The following ZFYVE16 variants were observed in gnomAD, a reference collection of about 807,000 sequenced individuals.
ZFYVE16 encodes the protein zinc finger FYVE-type containing 16.
A neutral mutation model predicts 138.1 loss-of-function variants in ZFYVE16; 89 were observed. That is an observed-to-expected ratio of 0.64 (90% CI 0.54 to 0.77). The LOEUF (loss-of-function observed/expected upper bound fraction) is 0.77, where lower values mean the gene tolerates loss of function less well. Among genes scored for constraint, ZFYVE16 ranks in the 30% least tolerant of loss-of-function variants. ZFYVE16 has a pLI of 0.00. For missense variants in ZFYVE16, 1,793 were observed against 1,786.7 expected (o/e 1.00, Z -0.06); for synonymous variants, 596 against 618.3 (o/e 0.96, Z 0.53).
chr5:80,422,386 A>G (rs1003816708), intron 1 of ZFYVE16, among the ~76,000 whole-genome samples: 1 of 152,190 alleles, frequency 6.6e-6, no homozygotes, highest in African/African-American at 2.4e-5. Flanking sequence ...ATTCTTTATC[A>G]GATTGAAGAA....
chr5:80,458,489 A>G (rs954497631), intron 14 of ZFYVE16, among the ~76,000 whole-genome samples: 4 of 152,052 alleles, frequency 2.6e-5, no homozygotes, highest in Non-Finnish European at 4.4e-5. Flanking sequence ...GCTCCATTCT[A>G]TACCTTGTTT....
intron 2 of ZFYVE16, among the ~76,000 whole-genome samples, chr5:80,431,679 T>C (rs1580176465): frequency 6.6e-6 from 1 of 152,068 alleles, no homozygotes; most frequent in South Asian, 2.1e-4. Flanking sequence ...GATTGTATAT[T>C]TAGAAAACCC....
chr5:80,409,614 C>G (rs1226910597), intron 1 of ZFYVE16: 1 of 152,184 alleles, frequency 6.6e-6, no homozygotes, highest in Admixed American at 6.5e-5. Context: ...TTGCGAATCA[C>G]TTTAATGTCT....
At chr5:80,421,861 C>T (rs1163835774) in intron 1 of ZFYVE16, among the ~76,000 whole-genome samples, 2 of 152,080 alleles carry the variant, frequency 1.3e-5, no homozygotes, top group Non-Finnish European at 2.9e-5. Context: ...ATGGGGATGG[C>T]ATTGAATCTA....
At chr5:80,416,341 C>T (rs1401090518) in intron 1 of ZFYVE16, among the ~76,000 whole-genome samples, 13 of 147,996 alleles carry the variant, frequency 8.8e-5, no homozygotes, top group African/African-American at 3.3e-4. Flanking sequence ...CTGCAACCTC[C>T]GCCTCCTGGG....
intron 11 of ZFYVE16, among the ~76,000 whole-genome samples, chr5:80,453,264 G>C (rs1033260781): frequency 6.6e-6 from 1 of 152,118 alleles, no homozygotes; most frequent in Non-Finnish European, 1.5e-5. Flanking sequence ...TTGCATCTCA[G>C]GTTTTGTACT....
chr5:80,440,792 A>T, intron 5 of ZFYVE16: 2 of 984,732 alleles, frequency 2.0e-6, no homozygotes, highest in Non-Finnish European at 2.4e-6. Context: ...CCTAGCAAAT[A>T]TTACTTGGGC....
intron 17 of ZFYVE16, among the ~76,000 whole-genome samples, chr5:80,474,144 G>C (rs1241125771): frequency 6.6e-6 from 1 of 152,004 alleles, no homozygotes; most frequent in Non-Finnish European, 1.5e-5. Context: ...ATTTTCCTCA[G>C]ATTTTATGAA....
At chr5:80,414,638 G>A (rs1490295071) in intron 1 of ZFYVE16, among the ~76,000 whole-genome samples, 2 of 151,978 alleles carry the variant, frequency 1.3e-5, no homozygotes, top group East Asian at 1.9e-4. Flanking sequence ...TTTATGTGCC[G>A]GGCACTGGTC....
intron 1 of ZFYVE16, among the ~76,000 whole-genome samples, chr5:80,412,766 G>T (rs2112139627): frequency 6.6e-6 from 1 of 152,178 alleles, no homozygotes; most frequent in African/African-American, 2.4e-5. Context: ...AATACATCCT[G>T]TATTCAGAGT....
In ZFYVE16 at chr5:80,437,232, G is replaced by C. The variant is rs1432195444; in HGVS notation, c.547G>C (p.Asp183His). 4 of 1,613,642 alleles carry C rather than the reference G, an allele frequency of 2.5e-6. No individual in the cohort carries two copies. Among genetic ancestry groups the C allele is most frequent in the South Asian group, 1.1e-5 (1 of 91,040 alleles). ...TGTTTCTTCAACAGACCATGATAGT[G>C]ATACTGTCAGAGAACAACAGAATGA... ...PCVSSTDHDS[D>H]TVREQQNDIS... is the part of the protein sequence containing the mutation. Residue 183 changes from aspartate to histidine, a missense_variant, in exon 4 of 19, where the codon GAT (aspartate) becomes CAT (histidine). By Grantham distance (81) the Asp-to-His change is moderately conservative. Transcript: ENST00000505560.
intron 2 of ZFYVE16, among the ~76,000 whole-genome samples, chr5:80,432,818 G>A (rs1749274497): frequency 6.6e-6 from 1 of 152,188 alleles, no homozygotes; most frequent in African/African-American, 2.4e-5. Flanking sequence ...AGACATATAT[G>A]CAGCCAAAAA....
intron 1 of ZFYVE16, among the ~76,000 whole-genome samples, chr5:80,418,355 T>C (rs835726): frequency 0.88 from 127,954 of 145,756 alleles, 56,757 homozygotes; most frequent in Non-Finnish European, 0.94. Context: ...CTCTGTTGCC[T>C]AGGCTGGAGT....
In ZFYVE16 at chr5:80,451,698, C is replaced by T. The variant is rs376013497; in HGVS notation, c.3596C>T (p.Ala1199Val). 1 of 1,612,848 alleles carries T rather than the reference C, an allele frequency of 6.2e-7. No individual in the cohort carries two copies. The highest frequency in any genetic ancestry group is 8.5e-7 in the Non-Finnish European group (1 of 1,179,554). ...FPMRLMLRLG[A>V]EYKAYPAPLT... Reference sequence around the variant, plus strand: ...ATGCGTTTAATGTTGAGATTGGGTGCAGAATATAAAGGTAAGTTTTAGAGT... The same window carrying T: ...ATGCGTTTAATGTTGAGATTGGGTGTAGAATATAAAGGTAAGTTTTAGAGT... The change falls in exon 11 of 19, where the codon GCA becomes GTA. Residue 1199 changes from alanine to valine, a missense_variant. Transcript: ENST00000505560.
At chr5:80,455,371 T>C (rs557429560) in intron 11 of ZFYVE16, 18 of 267,066 alleles carry the variant, frequency 6.7e-5, no homozygotes, top group African/African-American at 3.5e-4. Flanking sequence ...CTGTCTCTAC[T>C]AAAAATACAA....
In ZFYVE16 at chr5:80,413,734, C is replaced by T. The variant is rs151099099; in HGVS notation, c.-94+5581C>T. Among the ~76,000 whole-genome samples, 447 of 152,270 alleles carry T rather than the reference C, an allele frequency of 2.9e-3. 2 individuals are homozygous for T. Among genetic ancestry groups the T allele is most frequent in the African/African-American group, 0.01 (428 of 41,548 alleles). On this transcript the variant is annotated intron_variant, in intron 1 of 18. Coordinates refer to ENST00000505560, the MANE Select transcript of ZFYVE16 (RefSeq NM_001284236.3). ...TTAGGGCATTAAAGATTAATTCTCTCGCCGAACCTTAATTGAGAAAGGCTG... is the reference window on the plus strand; with the variant it reads ...TTAGGGCATTAAAGATTAATTCTCTTGCCGAACCTTAATTGAGAAAGGCTG...
At chr5:80,441,669 A>T in intron 5 of ZFYVE16, 1 of 913,808 alleles carries the variant, frequency 1.1e-6, no homozygotes, top group Non-Finnish European at 1.3e-6. Context: ...AGATTATGTG[A>T]GTTTCAAGGA....
intron 1 of ZFYVE16, among the ~76,000 whole-genome samples, chr5:80,413,261 C>T (rs1439563765): frequency 2.6e-5 from 4 of 151,864 alleles, no homozygotes; most frequent in South Asian, 2.1e-4. Flanking sequence ...CACCTGAGGT[C>T]GGGAGTTCGA....
intron 2 of ZFYVE16, among the ~76,000 whole-genome samples, chr5:80,428,837 A>C (rs1027207918): frequency 6.6e-6 from 1 of 152,230 alleles, no homozygotes; most frequent in African/African-American, 2.4e-5. Flanking sequence ...GATTCGATCA[A>C]CTGGAAGAAA....
Sources: gnomAD v4.1 joint callset for allele counts (sites outside exome capture counted in the v4.1 genomes callset) on GRCh38, gnomAD v4.1.1 for gene constraint, MANE v1.5 for transcripts, NCBI Gene and HGNC (gene_info 2026-07-23, HGNC 2026-07-21) for gene names.